CLASP1: variants seen among roughly 807,000 people sequenced by gnomAD.
The protein encoded by CLASP1 is cytoplasmic linker associated protein 1.
In CLASP1, 38 loss-of-function variants were observed where a neutral mutation model predicts 192.3. The ratio of observed to expected loss-of-function variants is 0.20; its 90% CI spans 0.15 to 0.26. The LOEUF is 0.26. CLASP1 is among the 10% of genes least tolerant of loss of function. The pLI, the probability that CLASP1 is intolerant of heterozygous loss-of-function variation, is 1.00. For missense variants in CLASP1, 1,433 were observed against 1,932.5 expected, an observed-to-expected ratio of 0.74 and a Z score of 4.85; for synonymous variants, 691 against 712.8, an observed-to-expected ratio of 0.97 and a Z score of 0.49.
intron 8 of CLASP1, among the ~76,000 whole-genome samples, chr2:121,476,739 G>A (rs952122731): frequency 6.6e-6 from 1 of 152,104 alleles, no homozygotes; most frequent in Non-Finnish European, 1.5e-5. Context: ...TGAAGAAGCT[G>A]CTATCCTGAC....
chr2:121,634,085 G>C (rs1431896896), intron 1 of CLASP1, among the ~76,000 whole-genome samples: 1 of 151,744 alleles, frequency 6.6e-6, no homozygotes. Flanking sequence ...GCCAAAATAG[G>C]AAGGGACCAC....
intron 2 of CLASP1, among the ~76,000 whole-genome samples, chr2:121,533,000 A>C (rs1002932593): frequency 1.3e-5 from 2 of 152,206 alleles, no homozygotes; most frequent in Admixed American, 6.5e-5. Context: ...TTCATGACAG[A>C]AACATCCCTT....
chr2:121,368,333 C>T (rs774112309), intron 34 of CLASP1, among the ~76,000 whole-genome samples: 5 of 152,204 alleles, frequency 3.3e-5, no homozygotes, highest in Admixed American at 6.5e-5. Flanking sequence ...CGGCGCTTCA[C>T]AATCTCCTAT....
intron 2 of CLASP1, among the ~76,000 whole-genome samples, chr2:121,564,454 G>A (rs2059344717): frequency 1.3e-5 from 2 of 152,296 alleles, no homozygotes; most frequent in African/African-American, 4.8e-5. Flanking sequence ...ATTTTAGTCA[G>A]AAAGGGCCTT....
chr2:121,560,727 C>G (rs530429156), intron 2 of CLASP1, among the ~76,000 whole-genome samples: 1 of 152,290 alleles, frequency 6.6e-6, no homozygotes, highest in East Asian at 1.9e-4. Flanking sequence ...TTCATTAAAA[C>G]ATTCTCTCTA....
At chr2:121,580,711 C>G (rs963667681) in intron 2 of CLASP1, among the ~76,000 whole-genome samples, 2 of 152,092 alleles carry the variant, frequency 1.3e-5, no homozygotes, top group African/African-American at 2.4e-5. Flanking sequence ...TAAGATTTCC[C>G]AATTTGAAAG....
intron 39 of CLASP1, among the ~76,000 whole-genome samples, chr2:121,341,786 G>A (rs1427244162): frequency 6.6e-6 from 1 of 152,222 alleles, no homozygotes; most frequent in Non-Finnish European, 1.5e-5. Flanking sequence ...TGATCTAACA[G>A]ATGTATATGA....
At chr2:121,413,726 T>A (rs141961356) in intron 23 of CLASP1, among the ~76,000 whole-genome samples, 27 of 152,288 alleles carry the variant, frequency 1.8e-4, no homozygotes, top group African/African-American at 6.5e-4. Flanking sequence ...AAATGTGAAC[T>A]TGACATCAAT....
intron 18 of CLASP1, among the ~76,000 whole-genome samples, chr2:121,447,783 C>T (rs1456632858): frequency 6.6e-6 from 1 of 152,110 alleles, no homozygotes; most frequent in Non-Finnish European, 1.5e-5. Context: ...CATGTTTCTG[C>T]TTACTACGAA....
chr2:121,470,005 CTA>C (rs779342679), intron 8 of CLASP1, 45 bp from the exon 9 acceptor site: 1 of 1,424,952 alleles, frequency 7.0e-7, no homozygotes, highest in South Asian at 1.2e-5. Context: ...AAAACAAAAA[CTA>C]TATATACATA....
At chr2:121,642,262 A>G (rs1409980099) in intron 1 of CLASP1, among the ~76,000 whole-genome samples, 6 of 151,572 alleles carry the variant, frequency 4.0e-5, no homozygotes, top group Non-Finnish European at 8.8e-5. Flanking sequence ...TACAAAAAAT[A>G]CAAAAATTAG....
chr2:121,455,678 G>C (rs573850823), intron 14 of CLASP1, among the ~76,000 whole-genome samples: 2 of 152,122 alleles, frequency 1.3e-5, no homozygotes, highest in Non-Finnish European at 2.9e-5. Context: ...TGGGCAACAT[G>C]ATAAGACCTT....
intron 1 of CLASP1, among the ~76,000 whole-genome samples, chr2:121,615,396 T>G (rs1355250068): frequency 6.6e-6 from 1 of 150,618 alleles, no homozygotes; most frequent in East Asian, 2.0e-4. Context: ...ATAAGTAAAA[T>G]GAGGGAGGTG....
At chr2:121,411,126 T>C (rs529627541) in intron 23 of CLASP1, among the ~76,000 whole-genome samples, 157 bp from the exon 25 acceptor site, 6 of 152,380 alleles carry the variant, frequency 3.9e-5, no homozygotes, top group African/African-American at 1.2e-4. Flanking sequence ...TGGTAGAGGT[T>C]AAGCTGTTCA....
At chr2:121,369,524 A>G (rs999068117) in intron 34 of CLASP1, among the ~76,000 whole-genome samples, 1 of 152,222 alleles carries the variant, frequency 6.6e-6, no homozygotes, top group Non-Finnish European at 1.5e-5. Context: ...GAAGGGTTTT[A>G]AAAATTTCAG....
At chr2:121,620,693 G>A (rs576841926) in intron 1 of CLASP1, among the ~76,000 whole-genome samples, 2 of 152,136 alleles carry the variant, frequency 1.3e-5, no homozygotes, top group Non-Finnish European at 2.9e-5. Context: ...CAGCATCTTT[G>A]AAGAAGTATC....
chr2:121,638,674 T>TA (rs1553683984), intron 1 of CLASP1, among the ~76,000 whole-genome samples: 8 of 149,428 alleles, frequency 5.4e-5, no homozygotes, highest in African/African-American at 2.0e-4. Flanking sequence ...TTTTTTATTT[T>TA]TTTTTTTTTT....
At chr2:121,499,407 G>C (rs1353293991) in intron 8 of CLASP1, among the ~76,000 whole-genome samples, 1 of 152,026 alleles carries the variant, frequency 6.6e-6, no homozygotes, top group East Asian at 1.9e-4. Context: ...CCAGAAACTG[G>C]GGGGAGAGGG....
intron 1 of CLASP1, among the ~76,000 whole-genome samples, chr2:121,609,739 G>C (rs910893249): frequency 4.7e-4 from 71 of 152,184 alleles, no homozygotes; most frequent in African/African-American, 1.6e-3. Context: ...TCAGGAGATG[G>C]AGACCAGCCT....
Sources: allele counts gnomAD v4.1 joint callset (sites outside exome capture counted in the v4.1 genomes callset), GRCh38; gene constraint gnomAD v4.1.1; transcripts MANE v1.5; gene names NCBI Gene and HGNC (gene_info 2026-07-23, HGNC 2026-07-21).